BCKDHB: variants seen among roughly 807,000 people sequenced by gnomAD.
BCKDHB encodes the protein branched chain keto acid dehydrogenase E1 subunit beta.
A neutral mutation model predicts 48.5 loss-of-function variants in BCKDHB; 41 were observed. That is an observed-to-expected ratio of 0.85 (90% CI 0.66 to 1.10). BCKDHB has a LOEUF of 1.10. BCKDHB is among the 50% of genes least tolerant of loss of function. The pLI is 0.00. For missense variants in BCKDHB, 496 were observed against 494.2 expected (o/e 1.00, Z -0.03); for synonymous variants, 201 against 174.8 (o/e 1.15, Z -1.18).
intron 1 of BCKDHB, among the ~76,000 whole-genome samples, chr6:80,125,790 C>G (rs1232421603): frequency 6.6e-6 from 1 of 151,742 alleles, no homozygotes; most frequent in South Asian, 2.1e-4. Context: ...CTGTGGCACC[C>G]CAAGACACTA....
At chr6:80,407,719 T>C in the BCKDHB span, among the ~76,000 whole-genome samples, 1 of 152,238 alleles carries the variant, frequency 6.6e-6, no homozygotes, top group East Asian at 1.9e-4. Flanking sequence ...CCTGAGACTT[T>C]GCTGAAGTTG....
At chr6:80,167,614 A>C in intron 3 of BCKDHB, 64 bp from the exon 4 acceptor site, 1 of 1,469,978 alleles carries the variant, frequency 6.8e-7, no homozygotes, top group South Asian at 1.1e-5. Flanking sequence ...TGAATTTTTA[A>C]ATGTATTATG....
chr6:80,306,372 C>A (rs1046896650), intron 9 of BCKDHB, among the ~76,000 whole-genome samples: 8 of 152,026 alleles, frequency 5.3e-5, no homozygotes, highest in Non-Finnish European at 1.0e-4. Context: ...AGATATTTTT[C>A]AATGAACAGC....
At chr6:80,419,259 G>A in the BCKDHB span, among the ~76,000 whole-genome samples, 1 of 152,160 alleles carries the variant, frequency 6.6e-6, no homozygotes, top group Non-Finnish European at 1.5e-5. Flanking sequence ...GAATGTGTGG[G>A]CTGTTGCGTG....
At chr6:80,155,503 G>A (rs969636916) in intron 3 of BCKDHB, among the ~76,000 whole-genome samples, 15 of 152,114 alleles carry the variant, frequency 9.9e-5, no homozygotes, top group East Asian at 1.9e-4. Context: ...GTAACAATTC[G>A]ATTTCCTTAT....
chr6:80,171,225 C>T (rs905559268), intron 5 of BCKDHB, 57 bp from the exon 6 acceptor site: 12 of 975,666 alleles, frequency 1.2e-5, no homozygotes, highest in South Asian at 4.2e-5. Context: ...TTCTTAGCAG[C>T]GAGTTTACTG....
At chr6:80,409,954 A>T in the BCKDHB span, among the ~76,000 whole-genome samples, 2 of 151,456 alleles carry the variant, frequency 1.3e-5, no homozygotes, top group African/African-American at 4.8e-5. Context: ...TGATCCTCTC[A>T]TTATGATGTT....
At chr6:80,405,561 C>T in the BCKDHB span, among the ~76,000 whole-genome samples, 1 of 151,966 alleles carries the variant, frequency 6.6e-6, no homozygotes, top group Non-Finnish European at 1.5e-5. Flanking sequence ...CTTACTATTG[C>T]CATTTTGTTC....
At chr6:80,202,719 C>T (rs1377614398) in intron 7 of BCKDHB, among the ~76,000 whole-genome samples, 1 of 149,296 alleles carries the variant, frequency 6.7e-6, no homozygotes, top group Non-Finnish European at 1.5e-5. Context: ...TCCCTCCCTC[C>T]CTCCCTCTCT....
Position 80,237,716 on chromosome 6 carries a change from A to G in BCKDHB, c.951+34504A>G, listed in dbSNP as rs1334766785. On this transcript the variant is annotated intron_variant, in intron 8 of 9. Transcript: ENST00000320393. Reference sequence around the variant, plus strand: ...CTTGAACCCGAGGCTTTCTGACTCCAAAACCTATATGCCTAACTACTGCAC... The same window carrying G: ...CTTGAACCCGAGGCTTTCTGACTCCGAAACCTATATGCCTAACTACTGCAC... Among the ~76,000 whole-genome samples the G allele has an allele frequency of 2.0e-5, 3 of 152,250 alleles. No homozygotes were observed. In the East Asian group the frequency reaches 5.8e-4, roughly 29 times the overall value.
At chr6:80,116,041 G>A (rs1318189648) in intron 1 of BCKDHB, among the ~76,000 whole-genome samples, 2 of 152,180 alleles carry the variant, frequency 1.3e-5, no homozygotes, top group Non-Finnish European at 2.9e-5. Flanking sequence ...CTGTATCATA[G>A]CTGTATATTT....
intron 1 of BCKDHB, 87 bp downstream of exon 1, chr6:80,106,976 T>A: frequency 6.8e-7 from 1 of 1,460,274 alleles, no homozygotes; most frequent in Non-Finnish European, 9.4e-7. Flanking sequence ...GCCGGCAGGC[T>A]GCAATCCTTG....
At chr6:80,217,371 G>C (rs1016457488) in intron 8 of BCKDHB, among the ~76,000 whole-genome samples, 14 of 151,900 alleles carry the variant, frequency 9.2e-5, no homozygotes, top group Admixed American at 6.6e-4. Context: ...GTTTCTTTAC[G>C]TGTTTATATT....
At chr6:80,123,766 A>G (rs1312105473) in intron 1 of BCKDHB, among the ~76,000 whole-genome samples, 1 of 151,952 alleles carries the variant, frequency 6.6e-6, no homozygotes, top group Non-Finnish European at 1.5e-5. Context: ...TATTGCATCT[A>G]TTTGATTCTT....
intron 3 of BCKDHB, among the ~76,000 whole-genome samples, chr6:80,161,751 C>G (rs1012509833): frequency 1.3e-5 from 2 of 152,200 alleles, no homozygotes; most frequent in Admixed American, 1.3e-4. Context: ...TTCATTCTTA[C>G]AGCCATACTC....
Position 80,343,863 on chromosome 6 carries a change from T to C in BCKDHB, c.*59T>C, listed in dbSNP as rs1411029513. 5.7e-6 allele frequency: 9 copies of C among 1,583,878 alleles called. No individual in the cohort carries two copies. The highest frequency in any genetic ancestry group is 6.9e-6 in the Non-Finnish European group (8 of 1,152,930). On this transcript the variant is annotated 3_prime_UTR_variant, in exon 10 of 10. Coordinates refer to ENST00000320393, the MANE Select transcript of BCKDHB (RefSeq NM_183050.4). ...CTATGTGCCCCTGACATTAACGTAC[T>C]GTTAACCAAGACACAGCAATCATCA... is the stretch of plus-strand genomic sequence containing the variant.
chr6:80,212,142 T>C (rs920989268), intron 8 of BCKDHB, among the ~76,000 whole-genome samples: 1 of 152,072 alleles, frequency 6.6e-6, no homozygotes, highest in African/African-American at 2.4e-5. Flanking sequence ...TTGATAAGCA[T>C]CTTAAACAAC....
chr6:80,260,866 G>A (rs1777270084), intron 8 of BCKDHB, among the ~76,000 whole-genome samples: 2 of 152,066 alleles, frequency 1.3e-5, no homozygotes, highest in Admixed American at 1.3e-4. Context: ...AGTGCATCTT[G>A]ATATTTGGAA....
At chr6:80,416,286 A>C in the BCKDHB span, among the ~76,000 whole-genome samples, 1 of 145,852 alleles carries the variant, frequency 6.9e-6, no homozygotes, top group African/African-American at 2.6e-5. Flanking sequence ...TCTTCAGTTC[A>C]GCTCTGATTT....
Sources: allele counts gnomAD v4.1 joint callset (sites outside exome capture counted in the v4.1 genomes callset), GRCh38; gene constraint gnomAD v4.1.1; transcripts MANE v1.5; gene names NCBI Gene and HGNC (gene_info 2026-07-23, HGNC 2026-07-21).